The following ANK2 variants were observed in gnomAD, a reference collection of about 807,000 sequenced individuals.
The protein encoded by ANK2 is ankyrin-2.
Under a neutral mutation model 360.5 loss-of-function variants are expected in ANK2, and 83 were observed. That is an observed-to-expected ratio of 0.23 (90% CI 0.19 to 0.28). The LOEUF is 0.28. Among genes scored for constraint, ANK2 ranks in the 10% least tolerant of loss-of-function variants. The pLI is 1.00. For missense variants in ANK2, 4,201 were observed against 4,795.7 expected (o/e 0.88, Z 3.66); for synonymous variants, 1,740 against 1,759.5 (o/e 0.99, Z 0.28).
the ANK2 span, among the ~76,000 whole-genome samples, chr4:112,789,254 G>C: frequency 3.3e-5 from 5 of 152,172 alleles, no homozygotes; most frequent in African/African-American, 4.8e-5. Context: ...GAAGCCTGAG[G>C]TTCTCAGCTT....
At chr4:113,285,093 T>A (rs1317026739) in intron 18 of ANK2, among the ~76,000 whole-genome samples, 1 of 152,172 alleles carries the variant, frequency 6.6e-6, no homozygotes, top group East Asian at 1.9e-4. Context: ...AATTACTTTT[T>A]TTGAAAAGAA....
intron 1 of ANK2, among the ~76,000 whole-genome samples, chr4:113,099,901 G>T (rs2086959): frequency 0.48 from 73,520 of 151,814 alleles, 18,803 homozygotes; most frequent in African/African-American, 0.64. Flanking sequence ...AATGGTGCTG[G>T]AATAACTGCA....
At chr4:113,267,868 C>T (rs2056867031) in intron 14 of ANK2, among the ~76,000 whole-genome samples, 1 of 152,100 alleles carries the variant, frequency 6.6e-6, no homozygotes, top group South Asian at 2.1e-4. Flanking sequence ...AATATTAATT[C>T]TTCTTATCCA....
chr4:113,289,330 C>G (rs564180668), intron 20 of ANK2, among the ~76,000 whole-genome samples: 3 of 151,480 alleles, frequency 2.0e-5, no homozygotes, highest in South Asian at 4.2e-4. Flanking sequence ...TCTCTTGCCT[C>G]AGGACTGGCT....
chr4:113,102,643 GA>G (rs1423010578), intron 1 of ANK2, among the ~76,000 whole-genome samples: 1 of 152,196 alleles, frequency 6.6e-6, no homozygotes. Context: ...ACTAAGAAAA[GA>G]AAATTCCAAA....
chr4:113,265,051 A>G (rs2055188996), intron 14 of ANK2, 56 bp downstream of exon 14: 1 of 1,491,022 alleles, frequency 6.7e-7, no homozygotes, highest in East Asian at 2.5e-5. Context: ...TTTCATCCTT[A>G]AGAGAGGGTG....
intron 24 of ANK2, among the ~76,000 whole-genome samples, chr4:113,316,910 A>G (rs1483714351): frequency 1.3e-5 from 2 of 152,236 alleles, no homozygotes; most frequent in Non-Finnish European, 2.9e-5. Flanking sequence ...GTCAGTGGCC[A>G]TTGGCAATTT....
the ANK2 span, among the ~76,000 whole-genome samples, chr4:112,812,637 A>C: frequency 6.6e-6 from 1 of 152,122 alleles, no homozygotes; most frequent in Non-Finnish European, 1.5e-5. Flanking sequence ...AAACCAGCTA[A>C]CCCTCTGAAC....
In ANK2 at chr4:112,979,034, T is replaced by C. The variant is rs148011525; in HGVS notation, c.21+74520T>C. Reference sequence around the variant, plus strand: ...ACAATGTCACAGGATCCTTTGGGTGTTGCTTTTCCAGCCGGAAACCTCTGT... The same window carrying C: ...ACAATGTCACAGGATCCTTTGGGTGCTGCTTTTCCAGCCGGAAACCTCTGT... On this transcript the variant is annotated intron_variant, in intron 2 of 30. Coordinates refer to the ANK2 transcript ENST00000503271. Among the ~76,000 whole-genome samples the C allele has an allele frequency of 2.4e-4, 37 of 152,314 alleles. No individual in the cohort carries two copies. The East Asian group carries it at 7.0e-3, about 29-fold the overall frequency.
intron 26 of ANK2, among the ~76,000 whole-genome samples, chr4:113,320,580 G>A (rs899748209): frequency 6.6e-6 from 1 of 152,076 alleles, no homozygotes; most frequent in Non-Finnish European, 1.5e-5. Flanking sequence ...ATTTGAACCC[G>A]GGAGGTGGTG....
chr4:112,867,299 G>A (rs1278931814), intron 1 of ANK2, among the ~76,000 whole-genome samples: 2 of 151,652 alleles, frequency 1.3e-5, no homozygotes, highest in South Asian at 2.1e-4. Context: ...CTGTTCTCTG[G>A]TAGCATTTTT....
intron 2 of ANK2, among the ~76,000 whole-genome samples, chr4:112,947,161 C>A (rs2094594393): frequency 6.6e-6 from 1 of 152,116 alleles, no homozygotes; most frequent in African/African-American, 2.4e-5. Flanking sequence ...AGTTATTTAA[C>A]CCCCATTATT....
chr4:112,764,666 C>G, the ANK2 span, among the ~76,000 whole-genome samples: 1 of 149,678 alleles, frequency 6.7e-6, no homozygotes, highest in African/African-American at 2.5e-5. Context: ...TATTTATTGC[C>G]TTTCCTTTGT....
intron 18 of ANK2, 24 bp from the exon 19 acceptor site, chr4:113,287,581 C>A (rs1327770133): frequency 6.7e-7 from 1 of 1,498,620 alleles, no homozygotes; most frequent in Admixed American, 1.7e-5. Flanking sequence ...CAACTGTATC[C>A]CTTTGGTTCC....
chr4:112,757,967 C>G, the ANK2 span, among the ~76,000 whole-genome samples: 1 of 151,874 alleles, frequency 6.6e-6, no homozygotes, highest in Non-Finnish European at 1.5e-5. Flanking sequence ...GCAACGGCGC[C>G]GTCCTGGCTC....
chr4:113,117,998 AT>A (rs1221813682), intron 1 of ANK2, among the ~76,000 whole-genome samples: 1 of 152,034 alleles, frequency 6.6e-6, no homozygotes, highest in Non-Finnish European at 1.5e-5. Context: ...ATTTTAATTA[AT>A]TTTTTTGTTT....
intron 1 of ANK2, among the ~76,000 whole-genome samples, chr4:112,857,305 A>C (rs1288898514): frequency 6.6e-6 from 1 of 152,254 alleles, no homozygotes; most frequent in Non-Finnish European, 1.5e-5. Flanking sequence ...GGAGAAAACT[A>C]TTCTAAGACT....
intron 17 of ANK2, among the ~76,000 whole-genome samples, chr4:113,280,844 G>A (rs1409280511): frequency 6.6e-6 from 1 of 152,196 alleles, no homozygotes; most frequent in Admixed American, 6.5e-5. Flanking sequence ...CCTAACCTTA[G>A]TAGAGCCCAT....
intron 2 of ANK2, among the ~76,000 whole-genome samples, chr4:113,017,514 T>C (rs901193229): frequency 6.6e-6 from 1 of 152,224 alleles, no homozygotes; most frequent in Non-Finnish European, 1.5e-5. Context: ...ATTAGAACTA[T>C]CATACATTTT....
Sources: allele counts gnomAD v4.1 joint callset (sites outside exome capture counted in the v4.1 genomes callset), GRCh38; gene constraint gnomAD v4.1.1; transcripts MANE v1.5; gene names NCBI Gene and HGNC (gene_info 2026-07-23, HGNC 2026-07-21).